EHF: variants seen among roughly 807,000 people sequenced by gnomAD.
The protein encoded by EHF is ESE3 transcription factor.
Under a neutral mutation model 45.1 loss-of-function variants are expected in EHF, and 14 were observed. The observed-to-expected ratio is 0.31, with a 90% CI of 0.21 to 0.49. EHF has a LOEUF of 0.49. EHF is among the 20% of genes least tolerant of loss of function. The pLI, the probability that EHF is intolerant of heterozygous loss-of-function variation, is 0.99. For synonymous variants in EHF, 136 were observed against 131.8 expected, an observed-to-expected ratio of 1.03 and a Z score of -0.22; for missense variants, 282 against 371.4, an observed-to-expected ratio of 0.76 and a Z score of 1.98.
chr11:34,644,094 A>C (rs755903450), intron 2 of EHF, among the ~76,000 whole-genome samples: 7 of 152,204 alleles, frequency 4.6e-5, no homozygotes, highest in Non-Finnish European at 7.3e-5. Context: ...AGTCAGCTTC[A>C]GACAAAAATC....
At position 34,659,922 on chromosome 11, in the gene EHF, C is replaced by A. The variant is rs1190446534; in HGVS notation, c.*991C>A. ...CTAACCACTTGACACCAGAAACCCC[C>A]CAGCTGTGATAACGCAAAATGTCTC... On this transcript the variant is annotated 3_prime_UTR_variant, in exon 9 of 9. Coordinates refer to ENST00000257831, the MANE Select transcript of EHF (RefSeq NM_012153.6). 6 of 152,128 alleles carry A rather than the reference C, an allele frequency of 3.9e-5. No individual in the cohort carries two copies. Among genetic ancestry groups the A allele is most frequent in the African/African-American group, 1.4e-4 (6 of 41,416 alleles). The allele number at this position is 152,128 out of a possible 1,614,324, so 9.4% of individuals were successfully genotyped here. A position where few individuals can be genotyped will look rare whatever the true frequency, so the allele number is the denominator to read the frequency against.
intron 2 of EHF, among the ~76,000 whole-genome samples, chr11:34,643,378 C>T (rs3751073): frequency 0.016 from 2,443 of 152,182 alleles, 44 homozygotes; most frequent in East Asian, 0.084. Flanking sequence ...ATCGGGAACC[C>T]CATACCCCAA....
chr11:34,630,337 T>C (rs1852759895), intron 1 of EHF, among the ~76,000 whole-genome samples: 1 of 152,190 alleles, frequency 6.6e-6, no homozygotes, highest in Non-Finnish European at 1.5e-5. Context: ...CTCTGTAAAA[T>C]GGTGCTTATA....
chr11:34,659,004 T>C lies in EHF; in HGVS notation c.*73T>C. 1 of 1,159,504 alleles carries C rather than the reference T, an allele frequency of 8.6e-7. No individual in the cohort carries two copies. The highest frequency in any genetic ancestry group is 1.2e-6 in the Non-Finnish European group (1 of 815,000). The allele number at this position is 1,159,504 out of a possible 1,614,324, so 71.8% of individuals were successfully genotyped here. On this transcript the variant is annotated 3_prime_UTR_variant, in exon 9 of 9. Coordinates refer to ENST00000257831, the MANE Select transcript of EHF (RefSeq NM_012153.6). The stretch of plus-strand genomic sequence containing the variant: ...GAAACAAAGAACTCCTGGACGTAAA[T>C]ATTTCAAAGACTACTTTTCTCTGAT...
At position 34,642,742 on chromosome 11, in the gene EHF, G is replaced by A; in HGVS notation, c.97+15G>A. 1 of 1,590,996 alleles carries A rather than the reference G, an allele frequency of 6.3e-7. No homozygotes were observed. The highest frequency in any genetic ancestry group is 8.6e-7 in the Non-Finnish European group (1 of 1,159,144). On this transcript the variant is annotated intron_variant, in intron 2 of 8. Transcript: ENST00000257831. ...CACGTGCAATGGTAAGAGGGCCTGT[G>A]GGTGTTGGTGTCACTGCTGTGCTGT...
rs76790768 is a variant in EHF at position 34,642,975 on chromosome 11, G to C, written c.97+248G>C. On this transcript the variant is annotated intron_variant, in intron 2 of 8. Coordinates refer to ENST00000257831, the MANE Select transcript of EHF (RefSeq NM_012153.6). The stretch of plus-strand genomic sequence containing the variant: ...CCAGATTGACAGCCTGGCAGTGAAG[G>C]GGGGTAGAAGAGATGCCTAAAGGAA... Among the ~76,000 whole-genome samples, 1,512 of 152,222 alleles carry C rather than the reference G, an allele frequency of 9.9e-3. 28 individuals are homozygous for C. Among genetic ancestry groups the C allele is most frequent in the African/African-American group, 0.035 (1,439 of 41,522 alleles).
intron 1 of EHF, among the ~76,000 whole-genome samples, chr11:34,621,683 C>T (rs549141073): frequency 6.6e-6 from 1 of 152,226 alleles, no homozygotes; most frequent in Non-Finnish European, 1.5e-5. Flanking sequence ...GACTTATGAG[C>T]TACATGGAAA....
chr11:34,636,588 A>T (rs1303922559), intron 1 of EHF, among the ~76,000 whole-genome samples: 1 of 152,194 alleles, frequency 6.6e-6, no homozygotes, highest in Admixed American at 6.5e-5. Flanking sequence ...CCACCTTCCA[A>T]AGTGGAATTT....
rs1336658666 is a variant in EHF at position 34,660,764 on chromosome 11, T to A, written c.*1833T>A. ...GAAGACATGTATCCATAAGAAGGAG[T>A]GCTCTTCATCAACTAATAGAGCACC... On this transcript the variant is annotated 3_prime_UTR_variant, in exon 9 of 9. Coordinates refer to ENST00000257831, the MANE Select transcript of EHF (RefSeq NM_012153.6). 1 of 152,126 alleles carries A rather than the reference T, an allele frequency of 6.6e-6. No homozygotes were observed. The highest frequency in any genetic ancestry group is 1.5e-5 in the Non-Finnish European group (1 of 68,020). 9.4% of individuals were successfully genotyped at this position (152,126 alleles called of 1,614,324 possible).
intron 1 of EHF, among the ~76,000 whole-genome samples, chr11:34,637,933 G>T (rs544947999): frequency 6.9e-6 from 1 of 144,284 alleles, no homozygotes; most frequent in African/African-American, 2.6e-5. Context: ...TCAGAGTCTC[G>T]CTCTGTTGCC....
chr11:34,628,165 G>A, intron 1 of EHF, among the ~76,000 whole-genome samples: 1 of 152,076 alleles, frequency 6.6e-6, no homozygotes, highest in Non-Finnish European at 1.5e-5. Context: ...TTGAACCTGG[G>A]AAGCAGAGGC....
chr11:34,632,237 T>C (rs1236896284), intron 1 of EHF, among the ~76,000 whole-genome samples: 1 of 152,228 alleles, frequency 6.6e-6, no homozygotes, highest in Admixed American at 6.5e-5. Context: ...TTAACTGCGT[T>C]GTTATCGGAG....
intron 1 of EHF, among the ~76,000 whole-genome samples, chr11:34,638,833 C>A (rs1406033741): frequency 6.6e-6 from 1 of 152,172 alleles, no homozygotes; most frequent in Non-Finnish European, 1.5e-5. Context: ...GTTCTTTTCC[C>A]AGCTTGCTTT....
Position 34,659,074 on chromosome 11 carries a change from G to A in EHF, c.*143G>A. 1.6e-6 allele frequency: 1 copy of A among 633,634 alleles called. No homozygotes were observed. The highest frequency in any genetic ancestry group is 2.6e-6 in the Non-Finnish European group (1 of 379,312). 39.3% of individuals were successfully genotyped at this position (633,634 alleles called of 1,614,324 possible). ...AACAAGAAACTACTTCTAACGGGAAGAAGAAACACTACGGTCGATTAAAAA... is the reference window on the plus strand; with the variant it reads ...AACAAGAAACTACTTCTAACGGGAAAAAGAAACACTACGGTCGATTAAAAA... On this transcript the variant is annotated 3_prime_UTR_variant, in exon 9 of 9. Transcript: ENST00000257831.
Position 34,659,906 on chromosome 11 carries a change from T to G in EHF, c.*975T>G, listed in dbSNP as rs920630125. 11 of 152,058 alleles carry G rather than the reference T, an allele frequency of 7.2e-5. No individual in the cohort carries two copies. Among genetic ancestry groups the G allele is most frequent in the African/African-American group, 2.7e-4 (11 of 41,392 alleles). 9.4% of individuals were successfully genotyped at this position (152,058 alleles called of 1,614,324 possible). On this transcript the variant is annotated 3_prime_UTR_variant, in exon 9 of 9. Coordinates refer to ENST00000257831, the MANE Select transcript of EHF (RefSeq NM_012153.6). ...TATCCACTCATGGTCTCTAACCACT[T>G]GACACCAGAAACCCCCCAGCTGTGA...
At chr11:34,632,799 A>C in intron 1 of EHF, 1 of 979,030 alleles carries the variant, frequency 1.0e-6, no homozygotes, top group Non-Finnish European at 1.5e-6. Flanking sequence ...TGAATAGTCC[A>C]TCAGGGTAGG....
In EHF at chr11:34,624,818, A is replaced by G. The variant is rs1184173632; in HGVS notation, c.-4+3590A>G. On this transcript the variant is annotated intron_variant, in intron 1 of 8. Transcript: ENST00000257831. Reference sequence around the variant, plus strand: ...AATTTTGAACTCCAGCTTTGGAGTGATGGGAGCACAGTGCAGGGAAGGCGG... The same window carrying G: ...AATTTTGAACTCCAGCTTTGGAGTGGTGGGAGCACAGTGCAGGGAAGGCGG... Among the ~76,000 whole-genome samples, 3 of 152,174 alleles carry G rather than the reference A, an allele frequency of 2.0e-5. No individual in the cohort carries two copies. In the East Asian group the frequency reaches 5.8e-4, roughly 29 times the overall value.
At chr11:34,629,012 T>A (rs1200986515) in intron 1 of EHF, among the ~76,000 whole-genome samples, 1 of 152,172 alleles carries the variant, frequency 6.6e-6, no homozygotes, top group African/African-American at 2.4e-5. Context: ...TGCCTCTGGT[T>A]ATGGTGAAAT....
chr11:34,646,531 G>T lies in EHF; in HGVS notation c.190G>T (p.Asp64Tyr). The T allele has an allele frequency of 1.2e-6, 2 of 1,614,002 alleles. No individual in the cohort carries two copies. The highest frequency in any genetic ancestry group is 1.7e-6 in the Non-Finnish European group (2 of 1,179,962). The change falls in exon 3 of 9, where the codon GAC (aspartate) becomes TAC (tyrosine). Residue 64 changes from aspartate to tyrosine, a missense_variant. Physicochemically the swap from Asp to Tyr is radical, Grantham distance 160. Around this residue, in one of 3 missense-constraint regions of EHF, gnomAD observed 213 missense variants for 247.3 expected, o/e 0.86. Transcript: ENST00000257831. ...QVWEWLQHLL[D>Y]TNQLDANCIP... ...GTGGGAGTGGCTCCAGCACCTCCTG[G>T]ACACCAACCAGCTGGATGCCAATTG...
Sources: gnomAD v4.1 joint callset for allele counts (sites outside exome capture counted in the v4.1 genomes callset) on GRCh38, gnomAD v4.1.1 for gene constraint, gnomAD v4.1.1 regional missense constraint, MANE v1.5 for transcripts, NCBI Gene and HGNC (gene_info 2026-07-23, HGNC 2026-07-21) for gene names.